OR6Y1: variants seen among roughly 807,000 people sequenced by gnomAD.
The protein encoded by OR6Y1 is olfactory receptor family 6 subfamily Y member 1.
Under a neutral mutation model 0.4 loss-of-function variants are expected in OR6Y1, and 1 was observed. The observed-to-expected ratio is 2.74, with a 90% CI of 0.97 to 13.02. OR6Y1 has a LOEUF of 13.02. Ranked by LOEUF, OR6Y1 falls within the 30% of genes most tolerant of loss-of-function variation. The pLI, the probability that OR6Y1 is intolerant of heterozygous loss-of-function variation, is 0.12. For missense variants in OR6Y1, 480 were observed against 399.8 expected (o/e 1.20, Z -1.71); for synonymous variants, 173 against 141.1 (o/e 1.23, Z -1.60).
chr1:158,554,205 A>G (rs1647775645), intron 1 of OR6Y1, 61 bp downstream of exon 1: 1 of 152,264 alleles, frequency 6.6e-6, no homozygotes, highest in Non-Finnish European at 1.5e-5. Flanking sequence ...ATAAAAATAA[A>G]TAATTAAAAG....
At position 158,547,767 on chromosome 1, in the gene OR6Y1, G is replaced by C; in HGVS notation, c.339C>G (p.Val113=). Residue 113 remains valine, a synonymous_variant, in exon 2 of 2, where the codon GTC becomes GTG. Coordinates refer to ENST00000641622, the MANE Select transcript of OR6Y1 (RefSeq NM_001005189.2). Reference sequence around the variant, plus strand: ...TAGCAAGAAGGATGTACTCAGTGCAGACAAAGGTCACAAAAAAGTAAAGTT... The same window carrying C: ...TAGCAAGAAGGATGTACTCAGTGCACACAAAGGTCACAAAAAAGTAAAGTT... ...MTQLYFFVTF[V]CTEYILLAIM... is the part of the protein sequence containing the mutation. The C allele has an allele frequency of 1.2e-6, 2 of 1,613,562 alleles. No individual in the cohort carries two copies. The highest frequency in any genetic ancestry group is 2.7e-5 in the African/African-American group (2 of 74,530).
chr1:158,552,899 A>G (rs1342039727), intron 1 of OR6Y1, among the ~76,000 whole-genome samples: 1 of 152,120 alleles, frequency 6.6e-6, no homozygotes, highest in Non-Finnish European at 1.5e-5. Context: ...AAGGGATACA[A>G]TTCTAATCCA....
chr1:158,552,710 G>A (rs999964385), intron 1 of OR6Y1, among the ~76,000 whole-genome samples: 2 of 152,088 alleles, frequency 1.3e-5, no homozygotes, highest in African/African-American at 4.8e-5. Context: ...ATGGAACATA[G>A]GTAGTGAAAG....
chr1:158,548,158 T>C lies in OR6Y1; in HGVS notation c.-53A>G. On this transcript the variant is annotated 5_prime_UTR_variant, in exon 2 of 2. Transcript: ENST00000641622. ...GTTCCTTCCATGACACAAGCACTAG[T>C]CTATGGTTATTTGTATTGATAGAGC... 2.6e-6 allele frequency: 4 copies of C among 1,548,952 alleles called. No individual in the cohort carries two copies. The highest frequency in any genetic ancestry group is 2.2e-5 in the East Asian group (1 of 44,496).
Position 158,545,343 on chromosome 1 carries a change from G to T in OR6Y1, c.*1785C>A, listed in dbSNP as rs1265953070. The T allele has an allele frequency of 1.8e-5, 2 of 113,780 alleles. No individual in the cohort carries two copies. The highest frequency in any genetic ancestry group is 6.7e-5 in the African/African-American group (2 of 30,052). 7.0% of individuals were successfully genotyped at this position (113,780 alleles called of 1,614,324 possible). On this transcript the variant is annotated 3_prime_UTR_variant, in exon 2 of 2. Coordinates refer to ENST00000641622, the MANE Select transcript of OR6Y1 (RefSeq NM_001005189.2). Reference sequence around the variant, plus strand: ...GGGAATGTTGTGGGTGGGGGGAGGGGGGAGGGATAGCATTAGGAGATATAC... The same window carrying T: ...GGGAATGTTGTGGGTGGGGGGAGGGTGGAGGGATAGCATTAGGAGATATAC...
Position 158,548,413 on chromosome 1 carries a change from C to A in OR6Y1, c.-308G>T. On this transcript the variant is annotated 5_prime_UTR_variant, in exon 2 of 2. Coordinates refer to ENST00000641622, the MANE Select transcript of OR6Y1 (RefSeq NM_001005189.2). ...GCTTTACCAATATATCACTTTTGGG[C>A]ACATAAATGGTCTCCAGACCACCCT... 4.2e-6 allele frequency: 1 copy of A among 235,572 alleles called. No individual in the cohort carries two copies. The highest frequency in any genetic ancestry group is 8.3e-6 in the Non-Finnish European group (1 of 120,560). The allele number at this position is 235,572 out of a possible 1,614,324, so 14.6% of individuals were successfully genotyped here.
At position 158,547,779 on chromosome 1, in the gene OR6Y1, A is replaced by T. The variant is rs149350510; in HGVS notation, c.327T>A (p.Phe109Leu). ...FNGCMTQLYF[F>L]VTFVCTEYIL... Reference sequence around the variant, plus strand: ...TGTACTCAGTGCAGACAAAGGTCACAAAAAAGTAAAGTTGAGTCATGCAGC... The same window carrying T: ...TGTACTCAGTGCAGACAAAGGTCACTAAAAAGTAAAGTTGAGTCATGCAGC... The change falls in exon 2 of 2, where the codon TTT becomes TTA. Residue 109 changes from phenylalanine to leucine, a missense_variant. By Grantham distance (22) the Phe-to-Leu change is conservative. Transcript: ENST00000641622. 5.0e-6 allele frequency: 8 copies of T among 1,613,514 alleles called. No individual in the cohort carries two copies. The highest frequency in any genetic ancestry group is 6.8e-6 in the Non-Finnish European group (8 of 1,180,018).
rs775578919 is a variant in OR6Y1, at chr1:158,547,998, G to A, written c.108C>T (p.Phe36=). 7 of 1,613,380 alleles carry A rather than the reference G, an allele frequency of 4.3e-6. No homozygotes were observed. Among genetic ancestry groups the A allele is most frequent in the African/African-American group, 1.3e-5 (1 of 74,418 alleles). The part of the protein sequence containing the change: ...PAFQLLFFSI[F]LATYLLTLLE... ...GCAGTGTCAGCAGATAGGTTGCCAG[G>A]AAAATGGAGAAAAAGAGAAGCTGGA... The change falls in exon 2 of 2, where the codon TTC becomes TTT. Residue 36 remains phenylalanine, a synonymous_variant. Coordinates refer to ENST00000641622, the MANE Select transcript of OR6Y1 (RefSeq NM_001005189.2).
chr1:158,545,623 C>T lies in OR6Y1; in HGVS notation c.*1505G>A, dbSNP rs1647506327. The stretch of plus-strand genomic sequence containing the variant: ...AAAGTGTCTGTTCACATCCTTTGCC[C>T]ACTTTTAAATGGAGTTGTTTGTTTT... On this transcript the variant is annotated 3_prime_UTR_variant, in exon 2 of 2. Coordinates refer to ENST00000641622, the MANE Select transcript of OR6Y1 (RefSeq NM_001005189.2). The T allele has an allele frequency of 6.6e-6, 1 of 152,040 alleles. No individual in the cohort carries two copies. Among genetic ancestry groups the T allele is most frequent in the Non-Finnish European group, 1.5e-5 (1 of 68,020 alleles). The allele number at this position is 152,040 out of a possible 1,614,324, so 9.4% of individuals were successfully genotyped here.
intron 1 of OR6Y1, among the ~76,000 whole-genome samples, chr1:158,551,872 A>G (rs976867101): frequency 6.7e-6 from 1 of 149,064 alleles, no homozygotes; most frequent in Non-Finnish European, 1.5e-5. Flanking sequence ...TCCCTATCAC[A>G]TTTTGTGAAT....
rs1647511749 is a variant in OR6Y1, at chr1:158,545,772, G to T, written c.*1356C>A. The T allele has an allele frequency of 1.3e-5, 2 of 152,072 alleles. No homozygotes were observed. The highest frequency in any genetic ancestry group is 1.3e-4 in the Admixed American group (2 of 15,268). The allele number at this position is 152,072 out of a possible 1,614,324, so 9.4% of individuals were successfully genotyped here. A position where few individuals can be genotyped will look rare whatever the true frequency, so the allele number is the denominator to read the frequency against. On this transcript the variant is annotated 3_prime_UTR_variant, in exon 2 of 2. Transcript: ENST00000641622. ...GTTCACTCTGTTGATAATTTCTTTTGCTGTGCAGAAGCTTGTCAGTTTAAT... is the reference window on the plus strand; with the variant it reads ...GTTCACTCTGTTGATAATTTCTTTTTCTGTGCAGAAGCTTGTCAGTTTAAT...
At chr1:158,552,166 CT>C (rs779588099) in intron 1 of OR6Y1, among the ~76,000 whole-genome samples, 1 of 151,220 alleles carries the variant, frequency 6.6e-6, no homozygotes, top group Non-Finnish European at 1.5e-5. Flanking sequence ...CCCATTACCC[CT>C]GTCTCATAAT....
At chr1:158,553,459 G>A (rs1203685190) in intron 1 of OR6Y1, among the ~76,000 whole-genome samples, 5 of 152,076 alleles carry the variant, frequency 3.3e-5, no homozygotes, top group Non-Finnish European at 5.9e-5. Context: ...TGTTTGAGAT[G>A]ATGAATATGC....
rs912203661 is a variant in OR6Y1, at chr1:158,554,289, T to C, written c.-1456A>G. On this transcript the variant is annotated 5_prime_UTR_variant, in exon 1 of 2. Transcript: ENST00000641622. ...ACCATTTTCTCAGGAATATAACCCT[T>C]TTCCCACCTAGCTTTATCAAAGATG... is the stretch of plus-strand genomic sequence containing the variant. 6.6e-6 allele frequency: 1 copy of C among 152,248 alleles called. No homozygotes were observed. Among genetic ancestry groups the C allele is most frequent in the Admixed American group, 6.5e-5 (1 of 15,292 alleles). The allele number at this position is 152,248 out of a possible 1,614,324, so 9.4% of individuals were successfully genotyped here.
chr1:158,546,597 A>G lies in OR6Y1; in HGVS notation c.*531T>C, dbSNP rs988165103. 2.0e-5 allele frequency: 3 copies of G among 152,528 alleles called. No individual in the cohort carries two copies. Among genetic ancestry groups the G allele is most frequent in the African/African-American group, 7.2e-5 (3 of 41,444 alleles). 9.4% of individuals were successfully genotyped at this position (152,528 alleles called of 1,614,324 possible). A position where few individuals can be genotyped will look rare whatever the true frequency, so the allele number is the denominator to read the frequency against. ...AGGCTGGGCCCAAGTTCCTGGACTCAGGGGATCCTCCTGCCTCAGTCTCTT... is the reference window on the plus strand; with the variant it reads ...AGGCTGGGCCCAAGTTCCTGGACTCGGGGGATCCTCCTGCCTCAGTCTCTT... On this transcript the variant is annotated 3_prime_UTR_variant, in exon 2 of 2. Transcript: ENST00000641622.
At chr1:158,553,212 A>G (rs541641959) in intron 1 of OR6Y1, among the ~76,000 whole-genome samples, 2 of 152,196 alleles carry the variant, frequency 1.3e-5, no homozygotes, top group African/African-American at 2.4e-5. Context: ...GGTATGATTA[A>G]TCTTTGCAGT....
Position 158,548,337 on chromosome 1 carries a change from G to A in OR6Y1, c.-232C>T. ...CAGATTTTCTCAAGAGCAGTAACTT[G>A]TCCAAGGTCATACAAAATAGAGTTT... On this transcript the variant is annotated 5_prime_UTR_variant, in exon 2 of 2. Coordinates refer to ENST00000641622, the MANE Select transcript of OR6Y1 (RefSeq NM_001005189.2). 2 of 485,784 alleles carry A rather than the reference G, an allele frequency of 4.1e-6. No homozygotes were observed. Among genetic ancestry groups the A allele is most frequent in the African/African-American group, 2.0e-5 (1 of 50,738 alleles). The allele number at this position is 485,784 out of a possible 1,614,324, so 30.1% of individuals were successfully genotyped here.
chr1:158,547,727 G>C lies in OR6Y1; in HGVS notation c.379C>G (p.Arg127Gly). Residue 127 changes from arginine (R) to glycine (G), a missense_variant, in exon 2 of 2, where the codon CGC becomes GGC. Arg to Gly is a moderately radical substitution (Grantham distance 125). Coordinates refer to ENST00000641622, the MANE Select transcript of OR6Y1 (RefSeq NM_001005189.2). ...YILLAIMAFD[R>G]YVAICNPLRY... The stretch of plus-strand genomic sequence containing the variant: ...AGTGGATTACAAATGGCTACATAGC[G>C]GTCAAAGGCCATGATAGCAAGAAGG... 6.2e-7 allele frequency: 1 copy of C among 1,613,476 alleles called. No individual in the cohort carries two copies. Among genetic ancestry groups the C allele is most frequent in the East Asian group, 2.2e-5 (1 of 44,870 alleles).
Position 158,547,800 on chromosome 1 carries a change from G to A in OR6Y1, c.306C>T (p.Cys102=). 1 of 1,613,534 alleles carries A rather than the reference G, an allele frequency of 6.2e-7. No homozygotes were observed. Among genetic ancestry groups the A allele is most frequent in the Non-Finnish European group, 8.5e-7 (1 of 1,179,962 alleles). The change falls in exon 2 of 2, where the codon TGC becomes TGT. Residue 102 remains cysteine, a synonymous_variant. Transcript: ENST00000641622. Reference sequence around the variant, plus strand: ...TCACAAAAAAGTAAAGTTGAGTCATGCAGCCATTGAAGGAAATACTCTTGT... The same window carrying A: ...TCACAAAAAAGTAAAGTTGAGTCATACAGCCATTGAAGGAAATACTCTTGT... The part of the protein sequence containing the change: ...SHDKSISFNG[C]MTQLYFFVTF...
Sources: allele counts gnomAD v4.1 joint callset (sites outside exome capture counted in the v4.1 genomes callset), GRCh38; gene constraint gnomAD v4.1.1; transcripts MANE v1.5; gene names NCBI Gene and HGNC (gene_info 2026-07-23, HGNC 2026-07-21).